NR5A2: variants seen among roughly 807,000 people sequenced by gnomAD.
NR5A2 encodes CYP7A promoter-binding factor.
A neutral mutation model predicts 62.7 loss-of-function variants in NR5A2; 26 were observed. The observed-to-expected ratio is 0.41, with a 90% CI of 0.30 to 0.58. NR5A2 has a LOEUF of 0.58. Among genes scored for constraint, NR5A2 ranks in the 20% least tolerant of loss-of-function variants. The pLI is 0.22. For synonymous variants in NR5A2, 246 were observed against 241.7 expected (o/e 1.02, Z -0.16); for missense variants, 541 against 669.1 (o/e 0.81, Z 2.11).
chr1:200,100,204 A>C (rs1386949964), intron 5 of NR5A2, among the ~76,000 whole-genome samples: 1 of 152,246 alleles, frequency 6.6e-6, no homozygotes, highest in Non-Finnish European at 1.5e-5. Flanking sequence ...AAGAGAAGGC[A>C]CTGGAAAATA....
At chr1:200,098,249 C>A (rs1041620214) in intron 5 of NR5A2, among the ~76,000 whole-genome samples, 22 of 152,148 alleles carry the variant, frequency 1.4e-4, no homozygotes, top group African/African-American at 5.3e-4. Context: ...GAATCACTTT[C>A]TCTTGTTTTT....
At chr1:200,146,961 CTT>C (rs34977677) in intron 7 of NR5A2, among the ~76,000 whole-genome samples, 31 of 146,944 alleles carry the variant, frequency 2.1e-4, no homozygotes, top group South Asian at 2.1e-4. Flanking sequence ...TCCTTGTATC[CTT>C]TTTTTTTTTT....
chr1:200,137,622 A>T (rs1196698909), intron 7 of NR5A2, among the ~76,000 whole-genome samples: 1 of 152,238 alleles, frequency 6.6e-6, no homozygotes, highest in African/African-American at 2.4e-5. Flanking sequence ...TATTGCCAGC[A>T]TCAAACTCAA....
chr1:200,147,763 CG>C lies in NR5A2; in HGVS notation c.1379-26199del, dbSNP rs1193758010. On this transcript the variant is annotated intron_variant, in intron 7 of 7. Coordinates refer to ENST00000367362, the MANE Select transcript of NR5A2 (RefSeq NM_205860.3). This position sits in a 1 kb window ranked among gnomAD's most constrained non-coding sequence, Gnocchi z 4.9. Reference sequence around the variant, plus strand: ...CACGGTGAAGACGCGGATGCCGGCGCGAATGCCGGCACGGATGCCGGCACGG... The same window carrying C: ...CACGGTGAAGACGCGGATGCCGGCGCAATGCCGGCACGGATGCCGGCACGG... The C allele has an allele frequency of 2.4e-5, 12 of 504,280 alleles. No individual in the cohort carries two copies. The highest frequency in any genetic ancestry group is 3.7e-5 in the Non-Finnish European group (10 of 267,542). The allele number at this position is 504,280 out of a possible 1,614,324, so 31.2% of individuals were successfully genotyped here.
chr1:200,082,017 G>A (rs890831633), intron 5 of NR5A2, among the ~76,000 whole-genome samples: 2 of 152,074 alleles, frequency 1.3e-5, no homozygotes, highest in Non-Finnish European at 2.9e-5. Flanking sequence ...TTGTCAGCAG[G>A]TGTCTGGTTG....
At chr1:200,140,864 T>C (rs1329571784) in intron 7 of NR5A2, among the ~76,000 whole-genome samples, 1 of 152,018 alleles carries the variant, frequency 6.6e-6, no homozygotes, top group Non-Finnish European at 1.5e-5. Context: ...AACCCAGTCT[T>C]TACTAAAAAT....
intron 5 of NR5A2, among the ~76,000 whole-genome samples, chr1:200,056,802 G>A (rs575444528): frequency 5.3e-5 from 8 of 152,210 alleles, no homozygotes; most frequent in African/African-American, 1.9e-4. Context: ...TTATCTACTG[G>A]AACCATGGGG....
At chr1:200,097,764 C>T (rs893423982) in intron 5 of NR5A2, among the ~76,000 whole-genome samples, 10 of 152,048 alleles carry the variant, frequency 6.6e-5, no homozygotes, top group African/African-American at 2.4e-4. Flanking sequence ...AGTGTGTAGG[C>T]GGTGTGTATG....
intron 7 of NR5A2, among the ~76,000 whole-genome samples, chr1:200,136,736 TA>T (rs1345548349): frequency 6.6e-6 from 1 of 152,210 alleles, no homozygotes. Context: ...TAACCCATTC[TA>T]AATCTGATCC....
At chr1:200,093,931 C>T (rs1314706725) in intron 5 of NR5A2, among the ~76,000 whole-genome samples, 5 of 152,112 alleles carry the variant, frequency 3.3e-5, no homozygotes, top group East Asian at 1.9e-4. Context: ...CTGAGGCGGG[C>T]GGATCACGAG....
At chr1:200,073,129 A>T (rs1242264529) in intron 5 of NR5A2, among the ~76,000 whole-genome samples, 1 of 151,522 alleles carries the variant, frequency 6.6e-6, no homozygotes, top group Non-Finnish European at 1.5e-5. Context: ...ACATAGTTGA[A>T]ACTGGAAGAA....
At chr1:200,159,571 T>C (rs2102377054) in intron 7 of NR5A2, among the ~76,000 whole-genome samples, 1 of 152,234 alleles carries the variant, frequency 6.6e-6, no homozygotes, top group Non-Finnish European at 1.5e-5. Context: ...CCAAATAAAC[T>C]GGTTATTTTG....
intron 5 of NR5A2, among the ~76,000 whole-genome samples, chr1:200,095,876 T>G (rs1447136652): frequency 6.6e-6 from 1 of 151,878 alleles, no homozygotes; most frequent in Non-Finnish European, 1.5e-5. Context: ...TTTAAAAAAT[T>G]TTTTGGCAGT....
At chr1:200,042,650 G>A (rs1057150501) in intron 2 of NR5A2, among the ~76,000 whole-genome samples, 5 of 152,248 alleles carry the variant, frequency 3.3e-5, no homozygotes, top group Admixed American at 6.5e-5. Context: ...TGCGCCCACG[G>A]GTTTCGCCGA....
At chr1:200,080,479 A>G (rs1171474811) in intron 5 of NR5A2, among the ~76,000 whole-genome samples, 1 of 152,192 alleles carries the variant, frequency 6.6e-6, no homozygotes, top group Non-Finnish European at 1.5e-5. Context: ...TAATTGTGAT[A>G]CTAGCTTTGT....
At chr1:200,118,019 C>CT (rs397982581) in intron 6 of NR5A2, among the ~76,000 whole-genome samples, 46,158 of 117,238 alleles carry the variant, frequency 0.39, 10,096 homozygotes, top group Middle Eastern at 0.45. Context: ...TCGCCTTTTT[C>CT]TTTTTTTTTT....
intron 6 of NR5A2, among the ~76,000 whole-genome samples, chr1:200,118,019 CTTTTTT>C (rs397982581): frequency 4.0e-3 from 473 of 117,330 alleles, no homozygotes; most frequent in Middle Eastern, 0.036. Context: ...TCGCCTTTTT[CTTTTTT>C]TTTTTTTTTT....
chr1:200,052,743 G>A lies in NR5A2; in HGVS notation c.1110+3925G>A, dbSNP rs550996998. ...TGCAAGCTCCGCCTCTTGGGTTCACGCCATTCTCCTGCCTCAGCCTCCTGA... is the reference window on the plus strand; with the variant it reads ...TGCAAGCTCCGCCTCTTGGGTTCACACCATTCTCCTGCCTCAGCCTCCTGA... On this transcript the variant is annotated intron_variant, in intron 5 of 7. Coordinates refer to ENST00000367362, the MANE Select transcript of NR5A2 (RefSeq NM_205860.3). Among the ~76,000 whole-genome samples the A allele has an allele frequency of 6.6e-5, 10 of 151,938 alleles. No individual in the cohort carries two copies. The East Asian group carries it at 1.2e-3, about 18-fold the overall frequency.
intron 5 of NR5A2, among the ~76,000 whole-genome samples, chr1:200,096,805 A>G (rs1009167737): frequency 4.6e-5 from 7 of 152,224 alleles, no homozygotes; most frequent in African/African-American, 1.7e-4. Flanking sequence ...ACTTACCATT[A>G]TAAGTATTGC....
Sources: gnomAD v4.1 joint callset for allele counts (sites outside exome capture counted in the v4.1 genomes callset) on GRCh38, gnomAD v4.1.1 for gene constraint, Gnocchi (gnomAD v3.1) non-coding constraint, MANE v1.5 for transcripts, NCBI Gene and HGNC (gene_info 2026-07-23, HGNC 2026-07-21) for gene names.